The following WWOX variants were observed in gnomAD, a reference collection of about 807,000 sequenced individuals.
WWOX encodes the protein WW domain-containing oxidoreductase.
Under a neutral mutation model 46.2 loss-of-function variants are expected in WWOX, and 69 were observed. The observed-to-expected ratio is 1.49, with a 90% confidence interval of 1.23 to 1.82. The LOEUF is 1.82. Ranked by LOEUF, WWOX falls within the 40% of genes most tolerant of loss-of-function variation. The pLI is 0.00. For synonymous variants in WWOX, 359 were observed against 202.6 expected (o/e 1.77, Z -6.56); for missense variants, 919 against 542.6 (o/e 1.69, Z -6.89).
chr16:78,499,352 C>T (rs923823193), intron 8 of WWOX, among the ~76,000 whole-genome samples: 1 of 152,246 alleles, frequency 6.6e-6, no homozygotes, highest in Admixed American at 6.5e-5. Flanking sequence ...GTTTGGCCCA[C>T]GGGAGACCCC....
At chr16:79,063,168 G>C (rs2048384509) in intron 8 of WWOX, among the ~76,000 whole-genome samples, 1 of 152,188 alleles carries the variant, frequency 6.6e-6, no homozygotes, top group African/African-American at 2.4e-5. Flanking sequence ...TCAGTAGAAG[G>C]AGTGGGATAG....
intron 4 of WWOX, among the ~76,000 whole-genome samples, chr16:78,163,273 C>A (rs1052736523): frequency 6.6e-6 from 1 of 152,174 alleles, no homozygotes; most frequent in Non-Finnish European, 1.5e-5. Context: ...TAGATAGGGA[C>A]TGATCACTTT....
chr16:78,665,717 C>G (rs976292242), intron 8 of WWOX, among the ~76,000 whole-genome samples: 2 of 152,126 alleles, frequency 1.3e-5, no homozygotes, highest in African/African-American at 2.4e-5. Context: ...AAGATACTTG[C>G]TCTGTCGCCC....
At chr16:78,533,968 G>A (rs559527122) in intron 8 of WWOX, among the ~76,000 whole-genome samples, 1 of 152,134 alleles carries the variant, frequency 6.6e-6, no homozygotes, top group Admixed American at 6.5e-5. Context: ...CTACATTCTA[G>A]CGTAGGCAAA....
At chr16:78,201,945 C>T (rs546681145) in intron 5 of WWOX, among the ~76,000 whole-genome samples, 72 of 152,178 alleles carry the variant, frequency 4.7e-4, no homozygotes, top group Non-Finnish European at 7.9e-4. Flanking sequence ...AGGCAGTCCA[C>T]CCGCCTCGGC....
At chr16:78,826,728 G>C (rs1380903656) in intron 8 of WWOX, among the ~76,000 whole-genome samples, 1 of 152,150 alleles carries the variant, frequency 6.6e-6, no homozygotes, top group African/African-American at 2.4e-5. Context: ...TTTGGATATG[G>C]AACTGCCTTT....
chr16:78,529,925 T>C (rs1234066917), intron 8 of WWOX, among the ~76,000 whole-genome samples: 1 of 152,178 alleles, frequency 6.6e-6, no homozygotes. Flanking sequence ...TGAAGAGTCT[T>C]GTTGGTTTCC....
intron 8 of WWOX, among the ~76,000 whole-genome samples, chr16:78,515,070 A>C (rs1057338870): frequency 6.6e-6 from 1 of 152,092 alleles, no homozygotes; most frequent in South Asian, 2.1e-4. Context: ...AAATACAAAA[A>C]AAAATTAGCT....
intron 8 of WWOX, among the ~76,000 whole-genome samples, chr16:78,867,074 T>C (rs934322598): frequency 6.6e-6 from 1 of 152,144 alleles, no homozygotes; most frequent in Non-Finnish European, 1.5e-5. Context: ...GTATTCACAA[T>C]TGGAGAAGGG....
intron 7 of WWOX, among the ~76,000 whole-genome samples, chr16:78,429,476 C>G (rs558550413): frequency 7.0e-4 from 106 of 152,068 alleles, no homozygotes; most frequent in Admixed American, 1.2e-3. Flanking sequence ...AGAAGTAGTC[C>G]CTGAACTGGG....
chr16:78,696,718 G>C (rs1020575869), intron 8 of WWOX, among the ~76,000 whole-genome samples: 3 of 152,042 alleles, frequency 2.0e-5, no homozygotes, highest in African/African-American at 7.2e-5. Flanking sequence ...GGTTACATGA[G>C]TAAGTTCTTT....
At chr16:78,352,394 A>G (rs1453104101) in intron 5 of WWOX, among the ~76,000 whole-genome samples, 3 of 152,204 alleles carry the variant, frequency 2.0e-5, no homozygotes, top group Admixed American at 1.3e-4. Context: ...GCAGGACACC[A>G]TTTCTTTCTG....
At chr16:79,040,275 A>ATTTTTTTTTTTTTTTTTTTTTTTTTGTT (rs35194921) in intron 8 of WWOX, among the ~76,000 whole-genome samples, 1 of 139,242 alleles carries the variant, frequency 7.2e-6, no homozygotes. Context: ...TTCTGAGTTG[A>ATTTTTTTTTTTTTTTTTTTTTTTTTGTT]TTTTTTTTTT....
At chr16:78,276,944 C>A (rs2079589061) in intron 5 of WWOX, among the ~76,000 whole-genome samples, 1 of 152,092 alleles carries the variant, frequency 6.6e-6, no homozygotes, top group African/African-American at 2.4e-5. Flanking sequence ...GTGAAAAGGA[C>A]TCATTTTATA....
At chr16:79,173,605 C>G (rs145579123) in intron 8 of WWOX, among the ~76,000 whole-genome samples, 56 of 151,770 alleles carry the variant, frequency 3.7e-4, no homozygotes, top group Admixed American at 1.2e-3. Flanking sequence ...TAACTATTTC[C>G]TATCAAATAA....
At chr16:78,144,486 T>TAA (rs2034122429) in intron 4 of WWOX, among the ~76,000 whole-genome samples, 1 of 19,846 alleles carries the variant, frequency 5.0e-5, no homozygotes, top group African/African-American at 1.8e-4. Flanking sequence ...TATATATATA[T>TAA]ACACACACAC....
chr16:79,059,341 G>C (rs1039132453), intron 8 of WWOX, among the ~76,000 whole-genome samples: 9 of 152,058 alleles, frequency 5.9e-5, no homozygotes, highest in South Asian at 4.1e-4. Flanking sequence ...TAACTATATC[G>C]TCAACTACCT....
intron 8 of WWOX, chr16:79,203,122 G>C (rs982894905): frequency 6.6e-6 from 1 of 152,206 alleles, no homozygotes; most frequent in Non-Finnish European, 1.5e-5. Context: ...CACGCTGCTG[G>C]TGAATGAAAT....
At chr16:78,126,119 G>A (rs1478352073) in intron 4 of WWOX, among the ~76,000 whole-genome samples, 3 of 152,232 alleles carry the variant, frequency 2.0e-5, no homozygotes, top group African/African-American at 4.8e-5. Flanking sequence ...TGGCTGCATA[G>A]TATTCCATTA....
Sources: allele counts gnomAD v4.1 joint callset (sites outside exome capture counted in the v4.1 genomes callset), GRCh38; gene constraint gnomAD v4.1.1; transcripts MANE v1.5; gene names NCBI Gene and HGNC (gene_info 2026-07-23, HGNC 2026-07-21).